The following MAGI1 variants were observed in gnomAD, a reference collection of about 807,000 sequenced individuals.
MAGI1 encodes the protein membrane associated guanylate kinase, WW and PDZ domain containing 1, also known as membrane-associated guanylate kinase, WW and PDZ domain-containing protein 1.
A neutral mutation model predicts 139.9 loss-of-function variants in MAGI1; 58 were observed. The ratio of observed to expected loss-of-function variants is 0.41; its 90% confidence interval spans 0.34 to 0.52. MAGI1 has a LOEUF of 0.52. Ranked by LOEUF, MAGI1 falls within the 20% of genes least tolerant of loss-of-function variation. The pLI, the probability that MAGI1 is intolerant of heterozygous loss-of-function variation, is 0.12. For synonymous variants in MAGI1, 812 were observed against 737.9 expected (o/e 1.10, Z -1.63); for missense variants, 1,874 against 1,901.6 (o/e 0.99, Z 0.27).
rs1560045347 is a variant in MAGI1, at chr3:65,950,052, AAAAAAAC to A, written c.313+87937_313+87943del. On this transcript the variant is annotated intron_variant, in intron 1 of 22. Transcript: ENST00000402939. ...CAACAGAGCCAGATCATCAAAAAAA[AAAAAAAC>A]AAAAAAACAAAAAAAAAACAAAAAA... Among the ~76,000 whole-genome samples, 81 of 35,340 alleles carry A rather than the reference AAAAAAAC, an allele frequency of 2.3e-3. 1 individual carries two copies. Among genetic ancestry groups the A allele is most frequent in the South Asian group, 8.9e-3 (6 of 674 alleles). The allele number at this position is 35,340 out of a possible 152,430, so 23.2% of individuals were successfully genotyped here.
chr3:65,697,073 C>A (rs1238765251), intron 1 of MAGI1, among the ~76,000 whole-genome samples: 1 of 152,092 alleles, frequency 6.6e-6, no homozygotes, highest in Non-Finnish European at 1.5e-5. Context: ...ATACAAACTA[C>A]CATCAGAGAA....
At chr3:65,811,302 C>T (rs927808453) in intron 1 of MAGI1, among the ~76,000 whole-genome samples, 7 of 152,194 alleles carry the variant, frequency 4.6e-5, no homozygotes, top group Non-Finnish European at 8.8e-5. Context: ...TGACATTCCC[C>T]GGTAAGAGGC....
At chr3:65,967,150 T>C (rs1184895812) in intron 1 of MAGI1, among the ~76,000 whole-genome samples, 2 of 152,094 alleles carry the variant, frequency 1.3e-5, no homozygotes, top group African/African-American at 2.4e-5. Context: ...CATGGTGCCT[T>C]TGAAATGCTG....
At chr3:65,664,055 T>C (rs116713615) in intron 1 of MAGI1, among the ~76,000 whole-genome samples, 117 of 152,326 alleles carry the variant, frequency 7.7e-4, no homozygotes, top group Non-Finnish European at 1.4e-3. Context: ...AACTAAGTGA[T>C]ACTTATGATC....
Position 65,977,726 on chromosome 3 carries a change from T to TA in MAGI1, c.313+60269dup, listed in dbSNP as rs879280739. 1.2e-3 allele frequency among the ~76,000 whole-genome samples: 164 copies of TA among 137,396 alleles called. 1 individual carries two copies. The highest frequency in any genetic ancestry group is 4.1e-3 in the Admixed American group (56 of 13,756). 90.1% of individuals were successfully genotyped at this position (137,396 alleles called of 152,430 possible). On this transcript the variant is annotated intron_variant, in intron 1 of 22. Coordinates refer to ENST00000402939, the MANE Select transcript of MAGI1 (RefSeq NM_001033057.2). ...ACTCCATCCTCCTGCCACTACCAAA[T>TA]AAAAAAAAAAAAGAAACCTCATCTC...
At chr3:65,711,497 T>C (rs936002678) in intron 1 of MAGI1, among the ~76,000 whole-genome samples, 6 of 152,178 alleles carry the variant, frequency 3.9e-5, no homozygotes, top group Non-Finnish European at 7.4e-5. Context: ...AAAAAATCTT[T>C]AGGCAATTCC....
intron 1 of MAGI1, among the ~76,000 whole-genome samples, chr3:65,872,039 T>C (rs2059957167): frequency 6.6e-6 from 1 of 152,324 alleles, no homozygotes; most frequent in South Asian, 2.1e-4. Context: ...ACCAGTTGTG[T>C]AACCTGGGGA....
chr3:66,024,684 T>C (rs1412879916), intron 1 of MAGI1, among the ~76,000 whole-genome samples: 1 of 152,144 alleles, frequency 6.6e-6, no homozygotes, highest in Non-Finnish European at 1.5e-5. Flanking sequence ...TGCATGCCTG[T>C]AATCCCAGCT....
intron 1 of MAGI1, among the ~76,000 whole-genome samples, chr3:66,024,866 T>C (rs902252356): frequency 7.2e-5 from 11 of 152,090 alleles, no homozygotes; most frequent in African/African-American, 2.4e-4. Flanking sequence ...CCACCATAAA[T>C]AAACAATTCC....
chr3:65,427,862 T>C (rs1947171651), intron 12 of MAGI1, among the ~76,000 whole-genome samples: 1 of 152,192 alleles, frequency 6.6e-6, no homozygotes, highest in Non-Finnish European at 1.5e-5. Flanking sequence ...GTCATAATCG[T>C]TCTTATACCC....
chr3:65,489,985 G>A (rs1951890232), intron 3 of MAGI1, among the ~76,000 whole-genome samples: 1 of 152,166 alleles, frequency 6.6e-6, no homozygotes, highest in Non-Finnish European at 1.5e-5. Context: ...GCAGAGGTCT[G>A]GAGAAAGCAA....
chr3:65,891,966 T>C (rs1381431895), intron 1 of MAGI1, among the ~76,000 whole-genome samples: 27 of 127,626 alleles, frequency 2.1e-4, no homozygotes, highest in African/African-American at 7.3e-4. Flanking sequence ...AATTCAAATT[T>C]GTGACAAGTA....
chr3:65,900,997 C>A (rs553546107), intron 1 of MAGI1, among the ~76,000 whole-genome samples: 1 of 152,158 alleles, frequency 6.6e-6, no homozygotes, highest in Non-Finnish European at 1.5e-5. Context: ...ATGAAAAATA[C>A]CTACAGAAAA....
intron 1 of MAGI1, among the ~76,000 whole-genome samples, chr3:65,736,665 A>G (rs2034765058): frequency 2.6e-5 from 4 of 152,190 alleles, no homozygotes; most frequent in Admixed American, 2.6e-4. Context: ...TGGGTGTCCC[A>G]GCTCAAGAAG....
In MAGI1 at chr3:65,622,024, A is replaced by C. The variant is rs1446419648; in HGVS notation, c.378T>G (p.Asp126Glu). 4 of 1,613,888 alleles carry C rather than the reference A, an allele frequency of 2.5e-6. No individual in the cohort carries two copies. Among genetic ancestry groups the C allele is most frequent in the Non-Finnish European group, 3.4e-6 (4 of 1,179,972 alleles). Residue 126 changes from aspartate (D) to glutamate (E), a missense_variant, in exon 2 of 23, where the codon GAT becomes GAG. Around this residue, in one of 5 missense-constraint regions of MAGI1, gnomAD observed 648 missense variants for 598.1 expected, o/e 1.08. Coordinates refer to ENST00000402939, the MANE Select transcript of MAGI1 (RefSeq NM_001033057.2). Reference sequence around the variant, plus strand: ...CCCTTATGGTCTGCTGGAGCTCATGATCAGGAGACCCCTTCTGGAATCGCT... The same window carrying C: ...CCCTTATGGTCTGCTGGAGCTCATGCTCAGGAGACCCCTTCTGGAATCGCT... ...LNQRFQKGSPDHELQQTIRDN... is the reference protein window; with the variant it reads ...LNQRFQKGSPEHELQQTIRDN...
chr3:65,479,441 G>A (rs1440041225), intron 3 of MAGI1, among the ~76,000 whole-genome samples: 1 of 151,196 alleles, frequency 6.6e-6, no homozygotes, highest in Non-Finnish European at 1.5e-5. Context: ...TTCACTTTCA[G>A]CCACTCTTTC....
intron 1 of MAGI1, among the ~76,000 whole-genome samples, chr3:65,705,956 T>C (rs2030192407): frequency 6.6e-6 from 1 of 152,236 alleles, no homozygotes; most frequent in African/African-American, 2.4e-5. Flanking sequence ...AGATGAAATG[T>C]GGTATCATAC....
chr3:65,657,447 A>C (rs956409853), intron 1 of MAGI1, among the ~76,000 whole-genome samples: 1 of 151,598 alleles, frequency 6.6e-6, no homozygotes, highest in African/African-American at 2.4e-5. Context: ...AAAAAAAAAA[A>C]AACACATAAA....
At chr3:66,020,659 C>T (rs1457561096) in intron 1 of MAGI1, among the ~76,000 whole-genome samples, 1 of 152,192 alleles carries the variant, frequency 6.6e-6, no homozygotes, top group African/African-American at 2.4e-5. Flanking sequence ...CAGTTCATCT[C>T]CTTTGCTACC....
Sources: allele counts gnomAD v4.1 joint callset (sites outside exome capture counted in the v4.1 genomes callset), GRCh38; gene constraint gnomAD v4.1.1; regional missense constraint gnomAD v4.1.1; transcripts MANE v1.5; gene names NCBI Gene and HGNC (gene_info 2026-07-23, HGNC 2026-07-21).